The following CDK14 variants were observed in gnomAD, a reference collection of about 807,000 sequenced individuals.
The protein encoded by CDK14 is cyclin dependent kinase 14, also known as cyclin-dependent kinase 14.
In CDK14, 34 loss-of-function variants were observed where a neutral mutation model predicts 60.7. That is an observed-to-expected ratio of 0.56 (90% CI 0.43 to 0.75). The LOEUF is 0.75. Among genes scored for constraint, CDK14 ranks in the 30% least tolerant of loss-of-function variants. The pLI, the probability that CDK14 is intolerant of heterozygous loss-of-function variation, is 0.00. For synonymous variants in CDK14, 197 were observed against 203.7 expected (o/e 0.97, Z 0.28); for missense variants, 482 against 564.1 (o/e 0.85, Z 1.47).
At chr7:90,713,399 CA>C (rs548259004) in intron 2 of CDK14, among the ~76,000 whole-genome samples, 39 of 152,154 alleles carry the variant, frequency 2.6e-4, no homozygotes, top group African/African-American at 8.9e-4. Context: ...TGAGTCTTCC[CA>C]AATAAGCCTG....
chr7:91,164,817 G>A (rs780479311), intron 14 of CDK14, among the ~76,000 whole-genome samples: 2 of 152,142 alleles, frequency 1.3e-5, no homozygotes, highest in Non-Finnish European at 2.9e-5. Context: ...AAACTGTGAC[G>A]TACTGAAGAA....
rs145088340 is a variant in CDK14 at position 90,852,692 on chromosome 7, G to T, written c.545-10483G>T. On this transcript the variant is annotated intron_variant, in intron 5 of 14. Coordinates refer to ENST00000380050, the MANE Select transcript of CDK14 (RefSeq NM_001287135.2). ...GAGCATTACCGGATACTGACAAGGA[G>T]GACAGGTACAAGTGATAGAGAAGCA... 1.5e-4 allele frequency among the ~76,000 whole-genome samples: 23 copies of T among 152,316 alleles called. No homozygotes were observed. In the East Asian group the frequency reaches 4.2e-3, roughly 28 times the overall value.
chr7:91,094,500 A>G (rs1798925140), intron 12 of CDK14, among the ~76,000 whole-genome samples: 1 of 152,254 alleles, frequency 6.6e-6, no homozygotes, highest in Non-Finnish European at 1.5e-5. Flanking sequence ...GCATGCCAGA[A>G]TGCTTTGTCT....
At chr7:90,963,009 G>A (rs1274605615) in intron 9 of CDK14, among the ~76,000 whole-genome samples, 1 of 151,426 alleles carries the variant, frequency 6.6e-6, no homozygotes, top group South Asian at 2.1e-4. Context: ...GCTCTATTTG[G>A]TTTTAGGGAA....
chr7:90,987,024 ATATAT>A (rs56033055), intron 10 of CDK14, among the ~76,000 whole-genome samples: 110,147 of 151,040 alleles, frequency 0.73, 40,261 homozygotes, highest in East Asian at 0.77. Context: ...TATAACTGAG[ATATAT>A]TATACAGCAA....
chr7:90,941,483 G>T (rs970697078), intron 8 of CDK14, among the ~76,000 whole-genome samples: 3 of 152,172 alleles, frequency 2.0e-5, no homozygotes, highest in Non-Finnish European at 4.4e-5. Flanking sequence ...ACAGGGTCCT[G>T]CAGGAGAGCA....
Position 91,193,234 on chromosome 7 carries a change from C to T in CDK14, c.*29-13931C>T, listed in dbSNP as rs550435720. 5.9e-5 allele frequency among the ~76,000 whole-genome samples: 9 copies of T among 152,192 alleles called. No homozygotes were observed. In the South Asian group the frequency reaches 1.7e-3, roughly 28 times the overall value. On this transcript the variant is annotated intron_variant, in intron 14 of 14. Coordinates refer to ENST00000380050, the MANE Select transcript of CDK14 (RefSeq NM_001287135.2). The stretch of plus-strand genomic sequence containing the variant: ...GACATCGTAATCCTGAGGTTCTTGA[C>T]CTGGAATCTATGGGTCTATTAATGG...
intron 14 of CDK14, among the ~76,000 whole-genome samples, chr7:91,170,925 C>T (rs1300733449): frequency 6.6e-6 from 1 of 151,874 alleles, no homozygotes; most frequent in East Asian, 1.9e-4. Context: ...CACCACCATA[C>T]CCAGCTAATT....
At chr7:91,144,260 ATC>A (rs1335354871) in intron 14 of CDK14, among the ~76,000 whole-genome samples, 2 of 152,212 alleles carry the variant, frequency 1.3e-5, no homozygotes, top group Non-Finnish European at 2.9e-5. Flanking sequence ...AAAAGTATAA[ATC>A]TGTCTTTAGA....
chr7:91,117,812 T>C (rs1184230768), intron 13 of CDK14, among the ~76,000 whole-genome samples: 1 of 152,124 alleles, frequency 6.6e-6, no homozygotes, highest in Non-Finnish European at 1.5e-5. Context: ...CAATCTAAGT[T>C]CATTGTTCTA....
intron 10 of CDK14, among the ~76,000 whole-genome samples, chr7:91,006,472 TA>T (rs1795982074): frequency 6.6e-6 from 1 of 152,246 alleles, no homozygotes; most frequent in Non-Finnish European, 1.5e-5. Flanking sequence ...CACGTGCTAC[TA>T]AATTCATTTT....
At chr7:91,158,418 T>A (rs988497114) in intron 14 of CDK14, among the ~76,000 whole-genome samples, 1 of 151,924 alleles carries the variant, frequency 6.6e-6, no homozygotes, top group Non-Finnish European at 1.5e-5. Context: ...GGTTTTGCCG[T>A]GTTTCTCAAG....
intron 2 of CDK14, among the ~76,000 whole-genome samples, chr7:90,640,604 G>A (rs10241430): frequency 0.3 from 45,305 of 151,736 alleles, 7,585 homozygotes; most frequent in East Asian, 0.67. Context: ...TATGGATTAT[G>A]GTGGGAATAA....
At chr7:90,990,940 C>A (rs569247420) in intron 10 of CDK14, among the ~76,000 whole-genome samples, 78 of 152,250 alleles carry the variant, frequency 5.1e-4, no homozygotes, top group Non-Finnish European at 3.8e-4. Context: ...TGGTGGTAAA[C>A]CAACAAACAT....
In CDK14 at chr7:90,990,193, C is replaced by T. The variant is rs1214929966; in HGVS notation, c.1041+5952C>T. Among the ~76,000 whole-genome samples the T allele has an allele frequency of 2.6e-5, 4 of 152,106 alleles. No homozygotes were observed. In the East Asian group the frequency reaches 7.7e-4, roughly 29 times the overall value. ...ACTTGGAAAGTTGAGGTGGGAGGAT[C>T]ACTTAGCCCAGGAGTTCAAGGCTGC... is the stretch of plus-strand genomic sequence containing the variant. On this transcript the variant is annotated intron_variant, in intron 10 of 14. Transcript: ENST00000380050.
chr7:90,862,267 A>G (rs978052797), intron 5 of CDK14, among the ~76,000 whole-genome samples: 1 of 152,200 alleles, frequency 6.6e-6, no homozygotes, highest in South Asian at 2.1e-4. Context: ...CATTAAAAAT[A>G]TGACCAAACC....
intron 10 of CDK14, among the ~76,000 whole-genome samples, chr7:91,040,485 T>C (rs1797058470): frequency 1.3e-5 from 2 of 152,236 alleles, no homozygotes; most frequent in Admixed American, 1.3e-4. Context: ...ATGTTATATG[T>C]GTGGACTTTC....
chr7:91,048,143 C>T (rs1012165992), intron 11 of CDK14, among the ~76,000 whole-genome samples: 1 of 152,140 alleles, frequency 6.6e-6, no homozygotes, highest in African/African-American at 2.4e-5. Context: ...TGCAGAGCCA[C>T]CTCCCCTCTG....
intron 2 of CDK14, among the ~76,000 whole-genome samples, chr7:90,707,435 G>A (rs944790211): frequency 1.3e-5 from 2 of 151,994 alleles, no homozygotes; most frequent in African/African-American, 4.8e-5. Context: ...TTCCCAAGTG[G>A]CCTCCCCACT....
Sources: gnomAD v4.1 joint callset for allele counts (sites outside exome capture counted in the v4.1 genomes callset) on GRCh38, gnomAD v4.1.1 for gene constraint, MANE v1.5 for transcripts, NCBI Gene and HGNC (gene_info 2026-07-23, HGNC 2026-07-21) for gene names.